Variants in OR2M3 observed in about 807,000 individuals in gnomAD.
The protein encoded by OR2M3 is olfactory receptor family 2 subfamily M member 3.
Under a neutral mutation model 4.3 loss-of-function variants are expected in OR2M3, and 1 was observed. The observed-to-expected ratio is 0.23, with a 90% CI of 0.08 to 1.11. OR2M3 has a LOEUF of 1.11. Ranked by LOEUF, OR2M3 falls within the 50% of genes most tolerant of loss-of-function variation. The probability of loss-of-function intolerance (pLI) is 0.54; values close to 1 mark genes in which losing one functional copy is unlikely to be tolerated. For synonymous variants in OR2M3, 151 were observed against 139.4 expected (o/e 1.08, Z -0.59); for missense variants, 410 against 390.4 (o/e 1.05, Z -0.42).
Position 248,206,364 on chromosome 1 carries a change from C to T in OR2M3, c.*2358C>T, listed in dbSNP as rs1209260160. 6.6e-6 allele frequency: 1 copy of T among 152,012 alleles called. No individual in the cohort carries two copies. Among genetic ancestry groups the T allele is most frequent in the Non-Finnish European group, 1.5e-5 (1 of 67,960 alleles). The allele number at this position is 152,012 out of a possible 1,614,324, so 9.4% of individuals were successfully genotyped here. ...GAACAGACATGGTGAAAGTGGACAT[C>T]CTTGTCTTGTTCCAGTTCTCAGGGG... is the stretch of plus-strand genomic sequence containing the variant. On this transcript the variant is annotated 3_prime_UTR_variant, in exon 2 of 2. Transcript: ENST00000641626.
At position 248,204,094 on chromosome 1, in the gene OR2M3, C is replaced by A; in HGVS notation, c.*88C>A. On this transcript the variant is annotated 3_prime_UTR_variant, in exon 2 of 2. Coordinates refer to ENST00000641626, the MANE Select transcript of OR2M3 (RefSeq NM_001004689.2). ...TCCATTAAGCCTTGAAAATGGGATT[C>A]ATTGTGTACATAAATCTGCAATGAC... 1 of 1,234,960 alleles carries A rather than the reference C, an allele frequency of 8.1e-7. No individual in the cohort carries two copies. The highest frequency in any genetic ancestry group is 1.2e-6 in the Non-Finnish European group (1 of 852,828). The allele number at this position is 1,234,960 out of a possible 1,614,324, so 76.5% of individuals were successfully genotyped here.
chr1:248,205,410 T>C lies in OR2M3; in HGVS notation c.*1404T>C, dbSNP rs767319308. On this transcript the variant is annotated 3_prime_UTR_variant, in exon 2 of 2. Coordinates refer to ENST00000641626, the MANE Select transcript of OR2M3 (RefSeq NM_001004689.2). ...ATTTCTCTGATGTTATCTTCTGGAATCTTTATGTTTTCAGTACTTAGATTT... is the reference window on the plus strand; with the variant it reads ...ATTTCTCTGATGTTATCTTCTGGAACCTTTATGTTTTCAGTACTTAGATTT... The C allele has an allele frequency of 3.9e-5, 6 of 152,138 alleles. No homozygotes were observed. Among genetic ancestry groups the C allele is most frequent in the Non-Finnish European group, 7.4e-5 (5 of 67,992 alleles). The allele number at this position is 152,138 out of a possible 1,614,324, so 9.4% of individuals were successfully genotyped here.
In OR2M3 at chr1:248,205,640, TTGTC is replaced by T. The variant is rs1465483575; in HGVS notation, c.*1640_*1643del. 1 of 151,962 alleles carries T rather than the reference TTGTC, an allele frequency of 6.6e-6. No homozygotes were observed. The highest frequency in any genetic ancestry group is 1.5e-5 in the Non-Finnish European group (1 of 67,880). The allele number at this position is 151,962 out of a possible 1,614,324, so 9.4% of individuals were successfully genotyped here. A position where few individuals can be genotyped will look rare whatever the true frequency, so the allele number is the denominator to read the frequency against. On this transcript the variant is annotated 3_prime_UTR_variant, in exon 2 of 2. Transcript: ENST00000641626. ...TTATTTCTGGGTTCTCTATTCTGTT[TTGTC>T]TGTCTATGTCTCTATTTTTATCCAG...
chr1:248,203,315 T>A lies in OR2M3; in HGVS notation c.248T>A (p.Phe83Tyr). The A allele has an allele frequency of 6.2e-7, 1 of 1,614,098 alleles. No homozygotes were observed. The highest frequency in any genetic ancestry group is 8.5e-7 in the Non-Finnish European group (1 of 1,180,010). ...TGCACCACCGTACCCAAGATGGCCT[T>A]CAACTACCTGTCTGGCAGCAAGTCC... Reference protein sequence around the residue: ...LICTTVPKMAFNYLSGSKSIS... With the variant: ...LICTTVPKMAYNYLSGSKSIS... Residue 83 changes from phenylalanine to tyrosine, a missense_variant, in exon 2 of 2, where the codon TTC becomes TAC. Coordinates refer to ENST00000641626, the MANE Select transcript of OR2M3 (RefSeq NM_001004689.2).
intron 1 of OR2M3, among the ~76,000 whole-genome samples, chr1:248,202,251 C>T (rs927186183): frequency 1.3e-5 from 2 of 148,868 alleles, no homozygotes; most frequent in East Asian, 3.9e-4. Flanking sequence ...ATGCACCACT[C>T]TAATCCCTGC....
chr1:248,200,963 G>A (rs1666150608), intron 1 of OR2M3, among the ~76,000 whole-genome samples: 1 of 151,836 alleles, frequency 6.6e-6, no homozygotes, highest in South Asian at 2.1e-4. Context: ...GTTGTTTTCA[G>A]TCTCTTCATA....
Position 248,203,615 on chromosome 1 carries a change from C to T in OR2M3, c.548C>T (p.Ser183Phe). 1 of 1,613,822 alleles carries T rather than the reference C, an allele frequency of 6.2e-7. No individual in the cohort carries two copies. The highest frequency in any genetic ancestry group is 8.5e-7 in the Non-Finnish European group (1 of 1,179,816). ...GCCCACTTCTTCTGTGACTTCCCCT[C>T]CCTACTAATCCTCTCATGCAGTGAC... is the stretch of plus-strand genomic sequence containing the variant. Reference protein sequence around the residue: ...EIAHFFCDFPSLLILSCSDTS... With the variant: ...EIAHFFCDFPFLLILSCSDTS... The change falls in exon 2 of 2, where the codon TCC (serine) becomes TTC (phenylalanine). Residue 183 changes from serine (S) to phenylalanine (F), a missense_variant. Physicochemically the swap from Ser to Phe is radical, Grantham distance 155. Transcript: ENST00000641626.
At position 248,204,433 on chromosome 1, in the gene OR2M3, T is replaced by G. The variant is rs544542305; in HGVS notation, c.*427T>G. On this transcript the variant is annotated 3_prime_UTR_variant, in exon 2 of 2. Coordinates refer to ENST00000641626, the MANE Select transcript of OR2M3 (RefSeq NM_001004689.2). ...ATGTCCCCAAAGTCCAGTGTATCAT[T>G]CTTATGACTTTTTGTCTCATAGTTT... The G allele has an allele frequency of 6.4e-6, 1 of 155,684 alleles. No homozygotes were observed. The highest frequency in any genetic ancestry group is 2.4e-5 in the African/African-American group (1 of 41,552). The allele number at this position is 155,684 out of a possible 1,614,324, so 9.6% of individuals were successfully genotyped here. A position where few individuals can be genotyped will look rare whatever the true frequency, so the allele number is the denominator to read the frequency against.
chr1:248,199,471 C>G (rs1387424080), intron 1 of OR2M3, among the ~76,000 whole-genome samples: 1 of 151,904 alleles, frequency 6.6e-6, no homozygotes, highest in African/African-American at 2.4e-5. Flanking sequence ...CATACAAATA[C>G]CTCTTTGAAT....
intron 1 of OR2M3, among the ~76,000 whole-genome samples, chr1:248,202,679 A>G (rs1031918727): frequency 6.6e-6 from 1 of 152,094 alleles, no homozygotes; most frequent in African/African-American, 2.4e-5. Flanking sequence ...TGATGGTCAC[A>G]TGCTGACTGA....
At position 248,212,511 on chromosome 1, in the gene OR2M3, G is replaced by T. The variant is rs1666292475; in HGVS notation, c.*8505G>T. On this transcript the variant is annotated 3_prime_UTR_variant, in exon 2 of 2. Transcript: ENST00000641626. ...CTGAAGTATAGATAATTTAATTCAG[G>T]CCAAAAACTGATTTTTAAAAACTCA... 6.6e-6 allele frequency: 1 copy of T among 151,714 alleles called. No individual in the cohort carries two copies. Among genetic ancestry groups the T allele is most frequent in the East Asian group, 1.9e-4 (1 of 5,192 alleles). The allele number at this position is 151,714 out of a possible 1,614,324, so 9.4% of individuals were successfully genotyped here.
chr1:248,211,214 A>T lies in OR2M3; in HGVS notation c.*7208A>T, dbSNP rs940689465. ...GGGGACTCTTGGAGATGCTGCTGTG[A>T]CTTCAACCCAGGTGACATCTTAACA... On this transcript the variant is annotated 3_prime_UTR_variant, in exon 2 of 2. Coordinates refer to ENST00000641626, the MANE Select transcript of OR2M3 (RefSeq NM_001004689.2). The T allele has an allele frequency of 6.6e-6, 1 of 152,064 alleles. No homozygotes were observed. The highest frequency in any genetic ancestry group is 1.9e-4 in the East Asian group (1 of 5,180). 9.4% of individuals were successfully genotyped at this position (152,064 alleles called of 1,614,324 possible). A position where few individuals can be genotyped will look rare whatever the true frequency, so the allele number is the denominator to read the frequency against.
intron 1 of OR2M3, among the ~76,000 whole-genome samples, chr1:248,202,557 G>A (rs758198123): frequency 1.6e-4 from 24 of 152,110 alleles, no homozygotes; most frequent in Non-Finnish European, 2.9e-4. Flanking sequence ...ACTACAAAGT[G>A]TACATCAAAC....
At position 248,208,064 on chromosome 1, in the gene OR2M3, CCTCTTTGT is replaced by C. The variant is rs1410026841; in HGVS notation, c.*4061_*4068del. 1 of 151,826 alleles carries C rather than the reference CCTCTTTGT, an allele frequency of 6.6e-6. No homozygotes were observed. The highest frequency in any genetic ancestry group is 1.9e-4 in the East Asian group (1 of 5,166). The allele number at this position is 151,826 out of a possible 1,614,324, so 9.4% of individuals were successfully genotyped here. A position where few individuals can be genotyped will look rare whatever the true frequency, so the allele number is the denominator to read the frequency against. Reference sequence around the variant, plus strand: ...AGCCCTTTTATCATTACAAAATGTCCCTCTTTGTCTTTTTTTAACTGCTCTTGCTTTAA... The same window carrying C: ...AGCCCTTTTATCATTACAAAATGTCCCTTTTTTTAACTGCTCTTGCTTTAA... On this transcript the variant is annotated 3_prime_UTR_variant, in exon 2 of 2. Coordinates refer to ENST00000641626, the MANE Select transcript of OR2M3 (RefSeq NM_001004689.2).
Position 248,206,230 on chromosome 1 carries a change from T to C in OR2M3, c.*2224T>C, listed in dbSNP as rs1377226455. ...CCGTTAGGGTTTTCTATGTATTCCA[T>C]CGTATCATCAGCAAACAGCGACAGT... On this transcript the variant is annotated 3_prime_UTR_variant, in exon 2 of 2. Coordinates refer to ENST00000641626, the MANE Select transcript of OR2M3 (RefSeq NM_001004689.2). The C allele has an allele frequency of 6.6e-6, 1 of 152,110 alleles. No homozygotes were observed. The highest frequency in any genetic ancestry group is 1.5e-5 in the Non-Finnish European group (1 of 67,990). The allele number at this position is 152,110 out of a possible 1,614,324, so 9.4% of individuals were successfully genotyped here.
At chr1:248,198,330 T>C (rs1666119887) in intron 1 of OR2M3, among the ~76,000 whole-genome samples, 2 of 152,168 alleles carry the variant, frequency 1.3e-5, no homozygotes, top group South Asian at 2.1e-4. Flanking sequence ...TTCCTTGTGA[T>C]CTACTTTGTT....
rs1166806707 is a variant in OR2M3, at chr1:248,204,682, C to G, written c.*676C>G. The G allele has an allele frequency of 6.6e-6, 1 of 151,838 alleles. No homozygotes were observed. Among genetic ancestry groups the G allele is most frequent in the Non-Finnish European group, 1.5e-5 (1 of 67,980 alleles). 9.4% of individuals were successfully genotyped at this position (151,838 alleles called of 1,614,324 possible). On this transcript the variant is annotated 3_prime_UTR_variant, in exon 2 of 2. Transcript: ENST00000641626. ...ATATATATAACCTTTTCTTTATCCACTCGTTGATTGATGGGCATTTGGACT... is the reference window on the plus strand; with the variant it reads ...ATATATATAACCTTTTCTTTATCCAGTCGTTGATTGATGGGCATTTGGACT...
rs764999964 is a variant in OR2M3 at position 248,203,195 on chromosome 1, C to T, written c.128C>T (p.Ser43Phe). The T allele has an allele frequency of 1.2e-6, 2 of 1,614,026 alleles. No individual in the cohort carries two copies. The highest frequency in any genetic ancestry group is 2.2e-5 in the South Asian group (2 of 91,076). ...AIFSVAFMGNSVMVLLIYLDT... is the reference protein window; with the variant it reads ...AIFSVAFMGNFVMVLLIYLDT... The stretch of plus-strand genomic sequence containing the variant: ...TTTTCAGTGGCCTTCATGGGAAACT[C>T]TGTCATGGTTCTCCTCATCTACCTG... The change falls in exon 2 of 2, where the codon TCT (serine) becomes TTT (phenylalanine). Residue 43 changes from serine (S) to phenylalanine (F), a missense_variant. Ser to Phe is a radical substitution (Grantham distance 155). Coordinates refer to ENST00000641626, the MANE Select transcript of OR2M3 (RefSeq NM_001004689.2).
At chr1:248,198,945 G>A (rs1344244231) in intron 1 of OR2M3, among the ~76,000 whole-genome samples, 1 of 151,942 alleles carries the variant, frequency 6.6e-6, no homozygotes, top group Non-Finnish European at 1.5e-5. Flanking sequence ...ATGTCACAGT[G>A]TCATGAAATA....
Sources: gnomAD v4.1 joint callset for allele counts (sites outside exome capture counted in the v4.1 genomes callset) on GRCh38, gnomAD v4.1.1 for gene constraint, MANE v1.5 for transcripts, NCBI Gene and HGNC (gene_info 2026-07-23, HGNC 2026-07-21) for gene names.